The following TNS1 variants were observed in gnomAD, a reference collection of about 807,000 sequenced individuals.
The protein encoded by TNS1 is tensin 1.
Under a neutral mutation model 168.6 loss-of-function variants are expected in TNS1, and 62 were observed. That is an observed-to-expected ratio of 0.37 (90% CI 0.30 to 0.45). TNS1 has a LOEUF of 0.45. Ranked by LOEUF, TNS1 falls within the 20% of genes least tolerant of loss-of-function variation. The probability of loss-of-function intolerance (pLI) is 1.00; values close to 1 mark genes in which losing one functional copy is unlikely to be tolerated. For missense variants in TNS1, 2,240 were observed against 2,339.4 expected, an observed-to-expected ratio of 0.96 and a Z score of 0.88; for synonymous variants, 934 against 933.2, an observed-to-expected ratio of 1.00 and a Z score of -0.02.
intron 18 of TNS1, among the ~76,000 whole-genome samples, chr2:217,864,083 C>A (rs984954607): frequency 6.6e-5 from 10 of 152,296 alleles, no homozygotes; most frequent in African/African-American, 2.2e-4. Flanking sequence ...TCCCTAAGAA[C>A]AGGACAGGAG....
At chr2:217,982,899 C>A (rs1161315481) in intron 2 of TNS1, among the ~76,000 whole-genome samples, 1 of 152,156 alleles carries the variant, frequency 6.6e-6, no homozygotes, top group East Asian at 1.9e-4. Context: ...CCTCACTTCC[C>A]TTACCCTACC....
chr2:217,824,788 C>G (rs966428139), intron 22 of TNS1, among the ~76,000 whole-genome samples: 1 of 152,154 alleles, frequency 6.6e-6, no homozygotes, highest in African/African-American at 2.4e-5. Context: ...CCAGACCCTT[C>G]CAGGCACTCA....
At chr2:217,925,797 C>A (rs930801829) in intron 3 of TNS1, among the ~76,000 whole-genome samples, 1 of 152,142 alleles carries the variant, frequency 6.6e-6, no homozygotes, top group Admixed American at 6.5e-5. Context: ...GCCCTCATTT[C>A]CCCTCCCCCA....
chr2:217,844,050 C>G (rs1430098637), intron 19 of TNS1, among the ~76,000 whole-genome samples: 1 of 152,128 alleles, frequency 6.6e-6, no homozygotes, highest in Non-Finnish European at 1.5e-5. Context: ...TCCTGCCTTC[C>G]TGCTTGTTAA....
At chr2:217,809,761 C>T (rs1035671) in intron 30 of TNS1, 62 bp downstream of exon 30, 137,581 of 1,528,098 alleles carry the variant, frequency 0.09, 8,609 homozygotes, top group Admixed American at 0.26. Context: ...TGTGGGTACA[C>T]GGATGAATAG....
At chr2:218,007,089 T>C (rs1255380408), upstream of TNS1, among the ~76,000 whole-genome samples, 2 of 151,890 alleles carry the variant, frequency 1.3e-5, no homozygotes, top group Non-Finnish European at 2.9e-5. Flanking sequence ...TCCCAGACCA[T>C]CCTGAGGGGC....
upstream of TNS1, among the ~76,000 whole-genome samples, chr2:218,007,728 CT>C (rs1459880065): frequency 6.6e-6 from 1 of 152,020 alleles, no homozygotes; most frequent in Non-Finnish European, 1.5e-5. Flanking sequence ...CCTGATGCCC[CT>C]AGGACCTCCC....
chr2:217,912,321 G>T (rs1362977858), intron 4 of TNS1, among the ~76,000 whole-genome samples: 2 of 152,244 alleles, frequency 1.3e-5, no homozygotes, highest in South Asian at 4.1e-4. Context: ...TTGGGGAGGA[G>T]GGTGCGCAGA....
At chr2:217,898,742 G>T (rs1025273994) in intron 7 of TNS1, among the ~76,000 whole-genome samples, 3 of 152,224 alleles carry the variant, frequency 2.0e-5, no homozygotes, top group Non-Finnish European at 4.4e-5. Context: ...AGCACCATGC[G>T]TTTCCCGGAG....
intron 3 of TNS1, among the ~76,000 whole-genome samples, chr2:217,951,890 C>T (rs1957251797): frequency 6.6e-6 from 1 of 152,262 alleles, no homozygotes; most frequent in Admixed American, 6.5e-5. Flanking sequence ...GTGGTTCTTT[C>T]TCTGGTTCTG....
intron 16 of TNS1, 138 bp from the exon 17 acceptor site, chr2:217,882,549 C>T: frequency 1.9e-6 from 1 of 536,624 alleles, no homozygotes; most frequent in Non-Finnish European, 3.2e-6. Context: ...TATATTTATA[C>T]ATATATACAT....
chr2:217,841,970 C>G, intron 19 of TNS1: 2 of 666,042 alleles, frequency 3.0e-6, no homozygotes, highest in East Asian at 2.7e-5. Context: ...TTGTTGACTT[C>G]TAACCCACCT....
At chr2:217,842,352 C>T (rs1057150126) in intron 19 of TNS1, among the ~76,000 whole-genome samples, 1 of 116,710 alleles carries the variant, frequency 8.6e-6, no homozygotes, top group Non-Finnish European at 1.7e-5. Context: ...TTCTAGTGTT[C>T]CCCTGAAACT....
At chr2:217,901,404 G>C (rs1952960025) in intron 6 of TNS1, among the ~76,000 whole-genome samples, 1 of 152,220 alleles carries the variant, frequency 6.6e-6, no homozygotes, top group Admixed American at 6.5e-5. Context: ...GATGACAGCT[G>C]TTGTTTTTGT....
At chr2:217,959,630 A>C (rs968180092) in intron 3 of TNS1, among the ~76,000 whole-genome samples, 1 of 152,210 alleles carries the variant, frequency 6.6e-6, no homozygotes, top group Non-Finnish European at 1.5e-5. Context: ...CTGGTGCCTT[A>C]GCATGAAGAC....
At chr2:218,023,546 A>G (rs924817732) in intron 1 of TNS1, among the ~76,000 whole-genome samples, 5 of 152,172 alleles carry the variant, frequency 3.3e-5, no homozygotes, top group African/African-American at 1.2e-4. Context: ...TGAAGAGGTC[A>G]ACTAGATGAC....
intron 3 of TNS1, among the ~76,000 whole-genome samples, chr2:217,941,422 G>A (rs762534677): frequency 6.6e-6 from 1 of 152,244 alleles, no homozygotes; most frequent in Non-Finnish European, 1.5e-5. Flanking sequence ...CAGAACCTTT[G>A]CAGGAAGCAG....
intron 18 of TNS1, among the ~76,000 whole-genome samples, chr2:217,874,246 G>A (rs1482081377): frequency 6.6e-6 from 1 of 152,184 alleles, no homozygotes; most frequent in Non-Finnish European, 1.5e-5. Context: ...AAAACAAGTA[G>A]CTTTTTAATC....
chr2:217,945,072 A>C (rs770342048), intron 3 of TNS1, among the ~76,000 whole-genome samples: 3 of 152,188 alleles, frequency 2.0e-5, no homozygotes, highest in Admixed American at 6.5e-5. Flanking sequence ...GTGGAAGTCC[A>C]AGCAGGACTG....
Sources: gnomAD v4.1 joint callset for allele counts (sites outside exome capture counted in the v4.1 genomes callset) on GRCh38, gnomAD v4.1.1 for gene constraint, MANE v1.5 for transcripts, NCBI Gene and HGNC (gene_info 2026-07-23, HGNC 2026-07-21) for gene names.